Variants in FRMD5 observed in about 807,000 individuals in gnomAD.
The protein encoded by FRMD5 is FERM domain containing 5.
A neutral mutation model predicts 69.0 loss-of-function variants in FRMD5; 20 were observed. That is an observed-to-expected ratio of 0.29 (90% CI 0.20 to 0.42). The LOEUF is 0.42. FRMD5 is among the 10% of genes least tolerant of loss of function. The pLI is 1.00. For missense variants in FRMD5, 595 were observed against 708.6 expected, an observed-to-expected ratio of 0.84 and a Z score of 1.82; for synonymous variants, 271 against 260.1, an observed-to-expected ratio of 1.04 and a Z score of -0.40.
chr15:44,020,046 A>G (rs1312714671), intron 1 of FRMD5, among the ~76,000 whole-genome samples: 2 of 152,156 alleles, frequency 1.3e-5, no homozygotes, highest in African/African-American at 2.4e-5. Flanking sequence ...CAAATTATCT[A>G]TATACGAATC....
At chr15:44,152,533 A>G (rs762387834) in intron 1 of FRMD5, among the ~76,000 whole-genome samples, 36 of 152,200 alleles carry the variant, frequency 2.4e-4, no homozygotes, top group Admixed American at 9.2e-4. Context: ...GAAACCACCA[A>G]ACAGCATTCT....
At chr15:44,007,027 T>C (rs566965318) in intron 1 of FRMD5, among the ~76,000 whole-genome samples, 102 of 152,254 alleles carry the variant, frequency 6.7e-4, no homozygotes, top group African/African-American at 2.3e-3. Context: ...CCAAACTTCA[T>C]GGTTATCTTA....
At chr15:43,893,962 A>G (rs1239143370) in intron 7 of FRMD5, among the ~76,000 whole-genome samples, 1 of 152,224 alleles carries the variant, frequency 6.6e-6, no homozygotes, top group Non-Finnish European at 1.5e-5. Context: ...CAATTAATGT[A>G]TTGTTGTTAT....
chr15:44,120,782 C>A (rs866815126), intron 1 of FRMD5, among the ~76,000 whole-genome samples: 1 of 151,882 alleles, frequency 6.6e-6, no homozygotes, highest in Non-Finnish European at 1.5e-5. Context: ...CCCGTCTCAG[C>A]CTCCCAAAGT....
intron 1 of FRMD5, among the ~76,000 whole-genome samples, chr15:44,189,064 C>CA (rs1228143972): frequency 6.6e-6 from 1 of 152,070 alleles, no homozygotes; most frequent in African/African-American, 2.4e-5. Context: ...CCTTCATGAG[C>CA]ATGGCACGGA....
At chr15:44,124,526 T>C (rs1211319881) in intron 1 of FRMD5, among the ~76,000 whole-genome samples, 8 of 151,448 alleles carry the variant, frequency 5.3e-5, no homozygotes, top group Non-Finnish European at 5.9e-5. Flanking sequence ...GGCGAAACCC[T>C]GTCTCTACTA....
At chr15:44,006,005 A>C (rs1323679620) in intron 1 of FRMD5, among the ~76,000 whole-genome samples, 2 of 152,248 alleles carry the variant, frequency 1.3e-5, no homozygotes, top group Non-Finnish European at 2.9e-5. Context: ...TTTTCAATGT[A>C]GATTAAACAG....
At position 43,871,796 on chromosome 15, in the gene FRMD5, C is replaced by T. The variant is rs1420010929; in HGVS notation, c.*2089G>A. On this transcript the variant is annotated 3_prime_UTR_variant, in exon 14 of 14. Transcript: ENST00000417257. ...TTTAGCATTCCAGTATTTGATCTTG[C>T]CCATTTGGCATCAGACATCTCTTTG... is the stretch of plus-strand genomic sequence containing the variant. 6.6e-6 allele frequency: 1 copy of T among 152,228 alleles called. No homozygotes were observed. The highest frequency in any genetic ancestry group is 2.4e-5 in the African/African-American group (1 of 41,460). 9.4% of individuals were successfully genotyped at this position (152,228 alleles called of 1,614,324 possible). A position where few individuals can be genotyped will look rare whatever the true frequency, so the allele number is the denominator to read the frequency against.
intron 1 of FRMD5, among the ~76,000 whole-genome samples, chr15:44,028,681 G>A (rs1891546161): frequency 6.6e-6 from 1 of 152,168 alleles, no homozygotes. Context: ...TCAGGGGGAG[G>A]CCCAGGTAGC....
intron 1 of FRMD5, among the ~76,000 whole-genome samples, chr15:44,050,525 TC>T (rs1160290350): frequency 6.8e-5 from 7 of 102,250 alleles, no homozygotes; most frequent in Admixed American, 1.4e-4. Context: ...CATGCCTGGC[TC>T]CCTTTTTTTT....
intron 1 of FRMD5, among the ~76,000 whole-genome samples, chr15:43,945,672 G>A (rs570852853): frequency 1.3e-5 from 2 of 152,244 alleles, no homozygotes; most frequent in South Asian, 2.1e-4. Flanking sequence ...GTACTGAAGT[G>A]TAATATAACC....
chr15:44,028,165 G>A (rs916932312), intron 1 of FRMD5, among the ~76,000 whole-genome samples: 9 of 152,094 alleles, frequency 5.9e-5, no homozygotes, highest in East Asian at 1.9e-4. Flanking sequence ...GTTTATAAGC[G>A]AAAAGTCATC....
chr15:44,134,126 T>G (rs1232465263), intron 1 of FRMD5, among the ~76,000 whole-genome samples: 3 of 146,188 alleles, frequency 2.1e-5, no homozygotes, highest in African/African-American at 7.5e-5. Context: ...AAATACTTTG[T>G]TTTTTTTTTT....
At chr15:44,179,314 CT>C (rs2077955820) in intron 1 of FRMD5, among the ~76,000 whole-genome samples, 1 of 152,190 alleles carries the variant, frequency 6.6e-6, no homozygotes, top group Non-Finnish European at 1.5e-5. Context: ...TTCCCTTTGC[CT>C]TCCAAATAGT....
intron 1 of FRMD5, among the ~76,000 whole-genome samples, chr15:43,945,048 A>C (rs2089923310): frequency 6.6e-6 from 1 of 151,718 alleles, no homozygotes. Flanking sequence ...TAGCCTTCCA[A>C]AGTGCTGGGA....
At chr15:44,042,694 T>C (rs867256320) in intron 1 of FRMD5, among the ~76,000 whole-genome samples, 13 of 152,216 alleles carry the variant, frequency 8.5e-5, no homozygotes, top group Admixed American at 2.0e-4. Flanking sequence ...ATTATCTCAA[T>C]AGATGCAGAA....
At chr15:44,118,578 C>A (rs2076902954) in intron 1 of FRMD5, among the ~76,000 whole-genome samples, 1 of 152,114 alleles carries the variant, frequency 6.6e-6, no homozygotes, top group Non-Finnish European at 1.5e-5. Context: ...ATTTCCTATC[C>A]TACCATTTCA....
At chr15:44,113,209 G>A (rs565306366) in intron 1 of FRMD5, among the ~76,000 whole-genome samples, 21 of 152,230 alleles carry the variant, frequency 1.4e-4, no homozygotes, top group African/African-American at 4.8e-4. Flanking sequence ...CTGCTTTCCC[G>A]GTAGGAGCAA....
At chr15:44,078,364 T>C (rs533533986) in intron 1 of FRMD5, among the ~76,000 whole-genome samples, 6 of 152,234 alleles carry the variant, frequency 3.9e-5, no homozygotes, top group Admixed American at 2.0e-4. Context: ...GGAGTTTTTA[T>C]ATAAAAATGT....
Sources: allele counts gnomAD v4.1 joint callset (sites outside exome capture counted in the v4.1 genomes callset), GRCh38; gene constraint gnomAD v4.1.1; transcripts MANE v1.5; gene names NCBI Gene and HGNC (gene_info 2026-07-23, HGNC 2026-07-21).